Variants in STK32C observed in about 807,000 individuals in gnomAD.
STK32C encodes the protein serine/threonine-protein kinase 32C.
A neutral mutation model predicts 56.5 loss-of-function variants in STK32C; 31 were observed. That is an observed-to-expected ratio of 0.55 (90% CI 0.41 to 0.74). The LOEUF (loss-of-function observed/expected upper bound fraction) is 0.74. Ranked by LOEUF, STK32C falls within the 30% of genes least tolerant of loss-of-function variation. The pLI is 0.00. For synonymous variants in STK32C, 309 were observed against 289.4 expected (o/e 1.07, Z -0.69); for missense variants, 544 against 676.9 (o/e 0.80, Z 2.18).
At chr10:132,298,442 C>T (rs1419456592) in intron 1 of STK32C, among the ~76,000 whole-genome samples, 1 of 152,246 alleles carries the variant, frequency 6.6e-6, no homozygotes, top group East Asian at 1.9e-4. Context: ...TGAGACAAGT[C>T]CACAGGTCCC....
chr10:132,327,527 G>A (rs1590523174), intron 1 of STK32C, among the ~76,000 whole-genome samples: 1 of 151,820 alleles, frequency 6.6e-6, no homozygotes, highest in African/African-American at 2.4e-5. Context: ...CCAGGCTGGA[G>A]TGCAGTGGCA....
chr10:132,297,486 T>C (rs960777315), intron 1 of STK32C, among the ~76,000 whole-genome samples: 1 of 152,174 alleles, frequency 6.6e-6, no homozygotes, highest in Non-Finnish European at 1.5e-5. Flanking sequence ...GGTCCCAGGG[T>C]CCAATGCTTT....
intron 10 of STK32C, among the ~76,000 whole-genome samples, chr10:132,218,632 G>C (rs1435122567): frequency 6.6e-6 from 1 of 152,194 alleles, no homozygotes; most frequent in Non-Finnish European, 1.5e-5. Context: ...CTGTAGAAAA[G>C]GGTAGGTGTT....
At chr10:132,241,711 A>G (rs116396048) in intron 2 of STK32C, among the ~76,000 whole-genome samples, 2 of 152,192 alleles carry the variant, frequency 1.3e-5, no homozygotes, top group African/African-American at 4.8e-5. Context: ...CTGGTCAGCG[A>G]ACCCTTCATT....
At position 132,243,282 on chromosome 10, in the gene STK32C, C is replaced by T. The variant is rs181498494; in HGVS notation, c.318+2618G>A. On this transcript the variant is annotated intron_variant, in intron 2 of 11. Coordinates refer to ENST00000298630, the MANE Select transcript of STK32C (RefSeq NM_173575.4). ...ATTCTGAACAAGCACAATTAGGCAGCGCTGGGGAGGTGGCGAGCCTCTCAG... is the reference window on the plus strand; with the variant it reads ...ATTCTGAACAAGCACAATTAGGCAGTGCTGGGGAGGTGGCGAGCCTCTCAG... Among the ~76,000 whole-genome samples, 800 of 152,318 alleles carry T rather than the reference C, an allele frequency of 5.3e-3. 10 individuals carry two copies. Among genetic ancestry groups the T allele is most frequent in the African/African-American group, 0.018 (748 of 41,560 alleles).
intron 1 of STK32C, among the ~76,000 whole-genome samples, chr10:132,272,908 C>A (rs560028956): frequency 6.6e-6 from 1 of 152,160 alleles, no homozygotes; most frequent in African/African-American, 2.4e-5. Flanking sequence ...GACTCTGCTG[C>A]GCTCTCTGAA....
At chr10:132,241,294 G>A (rs1020262128) in intron 2 of STK32C, among the ~76,000 whole-genome samples, 4 of 152,238 alleles carry the variant, frequency 2.6e-5, no homozygotes, top group South Asian at 2.1e-4. Flanking sequence ...TGACAGCTGC[G>A]GGAAGGCAGG....
intron 10 of STK32C, among the ~76,000 whole-genome samples, chr10:132,220,497 C>T (rs538580244): frequency 6.6e-6 from 1 of 152,342 alleles, no homozygotes; most frequent in South Asian, 2.1e-4. Flanking sequence ...GAACCACGTC[C>T]ACATTGGGAA....
intron 1 of STK32C, among the ~76,000 whole-genome samples, chr10:132,289,017 G>A (rs1268809403): frequency 6.6e-6 from 1 of 152,048 alleles, no homozygotes; most frequent in Non-Finnish European, 1.5e-5. Context: ...TTTGGGAAAT[G>A]AACTAAGTTG....
At chr10:132,222,282 G>C (rs2062703315) in intron 10 of STK32C, among the ~76,000 whole-genome samples, 2 of 146,468 alleles carry the variant, frequency 1.4e-5, no homozygotes, top group South Asian at 2.3e-4. Flanking sequence ...TCACATGGCT[G>C]TCCCGGCACA....
rs762154841 is a variant in STK32C at position 132,222,895 on chromosome 10, C to G, written c.1085G>C (p.Ser362Thr). ...GAAGCCCGGCTCCACCCTCTTCTCG[C>G]TCAGGTGGTCCCACAGCACGCCGGC... Reference protein sequence around the residue: ...ALAGVLWDHLSEKRVEPGFVP... With the variant: ...ALAGVLWDHLTEKRVEPGFVP... The change falls in exon 9 of 12, where the codon AGC (serine) becomes ACC (threonine). Residue 362 changes from serine (S) to threonine (T), a missense_variant. Physicochemically the swap from Ser to Thr is moderately conservative, Grantham distance 58. This residue lies in a region of STK32C where 277 missense variants were observed against 309.3 expected (regional missense o/e 0.90). Coordinates refer to ENST00000298630, the MANE Select transcript of STK32C (RefSeq NM_173575.4). 176 of 1,570,986 alleles carry G rather than the reference C, an allele frequency of 1.1e-4. No individual in the cohort carries two copies. Among genetic ancestry groups the G allele is most frequent in the Non-Finnish European group, 1.5e-4 (173 of 1,161,526 alleles).
chr10:132,278,892 C>T (rs938038070), intron 1 of STK32C, among the ~76,000 whole-genome samples: 3 of 152,024 alleles, frequency 2.0e-5, no homozygotes, highest in African/African-American at 4.8e-5. Flanking sequence ...CAACAGGAGA[C>T]GGGGCAGAGG....
intron 1 of STK32C, among the ~76,000 whole-genome samples, chr10:132,289,850 G>C (rs2065513135): frequency 6.6e-6 from 1 of 152,186 alleles, no homozygotes; most frequent in Non-Finnish European, 1.5e-5. Context: ...CTCAACATAT[G>C]TATGTGGGTG....
chr10:132,209,221 T>C (rs2062210724), intron 10 of STK32C, 120 bp from the exon 11 acceptor site: 2 of 921,076 alleles, frequency 2.2e-6, no homozygotes, highest in Non-Finnish European at 1.7e-6. Flanking sequence ...GATGACGGCC[T>C]CTGGGCTATT....
intron 1 of STK32C, among the ~76,000 whole-genome samples, chr10:132,272,117 C>A (rs993678802): frequency 6.6e-6 from 1 of 152,244 alleles, no homozygotes; most frequent in African/African-American, 2.4e-5. Context: ...GGCCCTGACC[C>A]CTCGTGCCTC....
At chr10:132,208,225 G>A (rs980161258) in intron 11 of STK32C, 74 bp from the exon 12 acceptor site, 38 of 1,271,118 alleles carry the variant, frequency 3.0e-5, no homozygotes, top group South Asian at 1.1e-4. Flanking sequence ...ACCTGCCCAC[G>A]GGCTCATGGG....
chr10:132,314,124 C>G (rs1296162123), intron 1 of STK32C, among the ~76,000 whole-genome samples: 1 of 152,242 alleles, frequency 6.6e-6, no homozygotes, highest in Non-Finnish European at 1.5e-5. Flanking sequence ...GGGCCCCGCC[C>G]TTCTCTGCCC....
intron 1 of STK32C, among the ~76,000 whole-genome samples, chr10:132,274,141 G>T (rs944394568): frequency 2.6e-5 from 4 of 152,244 alleles, no homozygotes; most frequent in African/African-American, 9.7e-5. Flanking sequence ...TGCCTGCGGG[G>T]TCATTGCTCA....
exon 1 of STK32C, chr10:132,331,484 C>T (rs2066735612): frequency 1.2e-6 from 2 of 1,612,866 alleles, no homozygotes; most frequent in South Asian, 2.2e-5. Context: ...AGCCTTACTT[C>T]TCCAAAGAGG....
Sources: gnomAD v4.1 joint callset for allele counts (sites outside exome capture counted in the v4.1 genomes callset) on GRCh38, gnomAD v4.1.1 for gene constraint, gnomAD v4.1.1 regional missense constraint, MANE v1.5 for transcripts, NCBI Gene and HGNC (gene_info 2026-07-23, HGNC 2026-07-21) for gene names.